Variants in RBFOX1 observed in about 807,000 individuals in gnomAD.
RBFOX1 encodes RNA binding protein fox-1 homolog 1.
A neutral mutation model predicts 57.7 loss-of-function variants in RBFOX1; 8 were observed. The observed-to-expected ratio is 0.14, with a 90% CI of 0.08 to 0.25. The LOEUF is 0.25. RBFOX1 is among the 10% of genes least tolerant of loss of function. The pLI is 1.00. For missense variants in RBFOX1, 611 were observed against 548.5 expected (o/e 1.11, Z -1.14); for synonymous variants, 326 against 222.4 (o/e 1.47, Z -4.15).
chr16:6,923,030 T>G (rs1161060854), intron 3 of RBFOX1, among the ~76,000 whole-genome samples: 1 of 152,198 alleles, frequency 6.6e-6, no homozygotes, highest in African/African-American at 2.4e-5. Context: ...AAGCAAACCA[T>G]AGACAGTGCA....
intron 4 of RBFOX1, among the ~76,000 whole-genome samples, chr16:7,508,867 T>C (rs893012488): frequency 1.3e-5 from 2 of 152,202 alleles, no homozygotes; most frequent in Middle Eastern, 3.2e-3. Flanking sequence ...AAGATCTCTC[T>C]TTCCATAGCA....
At chr16:6,533,116 C>A (rs2096682900) in intron 2 of RBFOX1, among the ~76,000 whole-genome samples, 1 of 152,174 alleles carries the variant, frequency 6.6e-6, no homozygotes, top group African/African-American at 2.4e-5. Flanking sequence ...TGCTAGATGG[C>A]AGGCATTGAA....
At chr16:5,525,375 T>C (rs1451051384) in intron 2 of RBFOX1, among the ~76,000 whole-genome samples, 2 of 152,082 alleles carry the variant, frequency 1.3e-5, no homozygotes, top group African/African-American at 4.8e-5. Context: ...GTTTTATTAC[T>C]CTGACTTTAT....
At chr16:5,851,939 C>G (rs1321733800) in intron 3 of RBFOX1, among the ~76,000 whole-genome samples, 1 of 152,072 alleles carries the variant, frequency 6.6e-6, no homozygotes, top group African/African-American at 2.4e-5. Context: ...TTAGAGGCAC[C>G]CGAATTAAAA....
intron 2 of RBFOX1, among the ~76,000 whole-genome samples, chr16:6,582,517 A>G (rs2097550150): frequency 6.7e-6 from 1 of 149,746 alleles, no homozygotes; most frequent in South Asian, 2.1e-4. Context: ...CTGACACTGC[A>G]TGTGGAGTCA....
intron 1 of RBFOX1, among the ~76,000 whole-genome samples, chr16:6,079,621 G>A (rs1056162699): frequency 1.3e-5 from 2 of 150,386 alleles, no homozygotes; most frequent in Non-Finnish European, 3.0e-5. Flanking sequence ...TTTTGAAATG[G>A]TACAGGAGTT....
intron 14 of RBFOX1, among the ~76,000 whole-genome samples, chr16:7,678,881 T>G (rs552826661): frequency 4.5e-4 from 68 of 152,340 alleles, no homozygotes; most frequent in African/African-American, 1.6e-3. Flanking sequence ...GATTGGTGAA[T>G]CTTTAATAAC....
chr16:6,228,585 C>G (rs1046897619), intron 1 of RBFOX1, among the ~76,000 whole-genome samples: 2 of 152,110 alleles, frequency 1.3e-5, no homozygotes, highest in African/African-American at 2.4e-5. Flanking sequence ...GCTGCATTAT[C>G]TAACTTATAT....
At chr16:6,666,055 C>T (rs930979650) in intron 3 of RBFOX1, among the ~76,000 whole-genome samples, 7 of 152,122 alleles carry the variant, frequency 4.6e-5, no homozygotes, top group Admixed American at 6.5e-5. Context: ...AAACCCCTTT[C>T]GCTTGTTTTT....
rs895613355 is a variant in RBFOX1 at position 5,788,104 on chromosome 16, C to T, written c.319-79199C>T. Among the ~76,000 whole-genome samples the T allele has an allele frequency of 4.6e-5, 7 of 152,124 alleles. No individual in the cohort carries two copies. The South Asian group carries it at 6.2e-4, about 13-fold the overall frequency. ...TTGTCTGTGAGCCCTTCTTCCTAGG[C>T]GGAGATTCGACTGCTGAAAACATCA... On this transcript the variant is annotated intron_variant, in intron 3 of 19. Transcript: ENST00000641259.
In RBFOX1 at chr16:6,930,093, C is replaced by T. The variant is rs142922597; in HGVS notation, c.-15-121964C>T. Among the ~76,000 whole-genome samples the T allele has an allele frequency of 1.4e-4, 22 of 152,282 alleles. No homozygotes were observed. The East Asian group carries it at 4.3e-3, about 30-fold the overall frequency. On this transcript the variant is annotated intron_variant, in intron 3 of 15. Transcript: ENST00000550418. Reference sequence around the variant, plus strand: ...CTGCTGGTTATGCTGGTTTACTCGGCCTGCTCTTGAATGTTGAGAAGCTCC... The same window carrying T: ...CTGCTGGTTATGCTGGTTTACTCGGTCTGCTCTTGAATGTTGAGAAGCTCC...
At chr16:5,267,498 A>G (rs2062890443) in intron 1 of RBFOX1, among the ~76,000 whole-genome samples, 1 of 150,668 alleles carries the variant, frequency 6.6e-6, no homozygotes. Flanking sequence ...GGGTTTCACC[A>G]TGTTGGCCAG....
intron 5 of RBFOX1, among the ~76,000 whole-genome samples, chr16:7,553,564 G>C (rs1382452742): frequency 6.6e-6 from 1 of 152,228 alleles, no homozygotes; most frequent in African/African-American, 2.4e-5. Flanking sequence ...ACTCACAAGA[G>C]AAGGGGGATA....
intron 2 of RBFOX1, among the ~76,000 whole-genome samples, chr16:6,621,842 A>G (rs1355449324): frequency 6.6e-6 from 1 of 152,200 alleles, no homozygotes; most frequent in African/African-American, 2.4e-5. Context: ...CACAAAACCT[A>G]TTGAGAGACG....
At chr16:6,186,057 G>T (rs190286439) in intron 1 of RBFOX1, among the ~76,000 whole-genome samples, 24 of 152,282 alleles carry the variant, frequency 1.6e-4, no homozygotes, top group African/African-American at 5.5e-4. Context: ...ACGGAAGTAG[G>T]AGGATTGTCC....
chr16:5,663,419 G>C (rs4786745), intron 3 of RBFOX1, among the ~76,000 whole-genome samples: 27,496 of 150,412 alleles, frequency 0.18, 3,052 homozygotes, highest in East Asian at 0.46. Context: ...TGGCCAGGCT[G>C]TCCTCAAACT....
chr16:6,872,940 G>C (rs911686500), intron 3 of RBFOX1, among the ~76,000 whole-genome samples: 1 of 152,090 alleles, frequency 6.6e-6, no homozygotes, highest in Non-Finnish European at 1.5e-5. Context: ...CACTTGCTCT[G>C]TTTTACTTCC....
intron 1 of RBFOX1, among the ~76,000 whole-genome samples, chr16:5,298,522 C>T (rs1267690595): frequency 7.3e-5 from 2 of 27,352 alleles, no homozygotes; most frequent in African/African-American, 4.5e-4. Context: ...CCTCCCCTCC[C>T]CTCCCTTCCT....
chr16:5,310,369 C>G (rs1473859321), intron 1 of RBFOX1, among the ~76,000 whole-genome samples: 1 of 152,054 alleles, frequency 6.6e-6, no homozygotes, highest in African/African-American at 2.4e-5. Context: ...CCACTGTACT[C>G]CACCCTGGGT....
Sources: allele counts gnomAD v4.1 joint callset (sites outside exome capture counted in the v4.1 genomes callset), GRCh38; gene constraint gnomAD v4.1.1; transcripts MANE v1.5; gene names NCBI Gene and HGNC (gene_info 2026-07-23, HGNC 2026-07-21).